ATP1A4: variants seen among roughly 807,000 people sequenced by gnomAD.
ATP1A4 encodes ATPase Na+/K+ transporting subunit alpha 4.
A neutral mutation model predicts 114.3 loss-of-function variants in ATP1A4; 90 were observed. That is an observed-to-expected ratio of 0.79 (90% CI 0.66 to 0.94). ATP1A4 has a LOEUF of 0.94. Ranked by LOEUF, ATP1A4 falls within the 40% of genes least tolerant of loss-of-function variation. The pLI, the probability that ATP1A4 is intolerant of heterozygous loss-of-function variation, is 0.00. For missense variants in ATP1A4, 1,222 were observed against 1,313.6 expected (o/e 0.93, Z 1.08); for synonymous variants, 511 against 494.1 (o/e 1.03, Z -0.45).
chr1:160,181,006 ACG>A (rs1432365147), intron 18 of ATP1A4, among the ~76,000 whole-genome samples: 1 of 151,642 alleles, frequency 6.6e-6, no homozygotes, highest in Non-Finnish European at 1.5e-5. Flanking sequence ...GAGCCACCAC[ACG>A]CCCAGCCTGC....
chr1:160,169,110 G>T (rs970018553), intron 10 of ATP1A4, among the ~76,000 whole-genome samples: 1 of 152,214 alleles, frequency 6.6e-6, no homozygotes, highest in Non-Finnish European at 1.5e-5. Flanking sequence ...AGTGTGACAG[G>T]CTGTCCCACT....
Position 160,151,777 on chromosome 1 carries a change from C to T in ATP1A4, c.-264C>T, listed in dbSNP as rs953108648. 5 of 398,102 alleles carry T rather than the reference C, an allele frequency of 1.3e-5. No individual in the cohort carries two copies. The highest frequency in any genetic ancestry group is 2.0e-5 in the African/African-American group (1 of 50,068). 24.7% of individuals were successfully genotyped at this position (398,102 alleles called of 1,614,324 possible). A position where few individuals can be genotyped will look rare whatever the true frequency, so the allele number is the denominator to read the frequency against. On this transcript the variant is annotated 5_prime_UTR_variant, in exon 1 of 22. Coordinates refer to ENST00000368081, the MANE Select transcript of ATP1A4 (RefSeq NM_144699.4). ...CCTTCCACCCTAGGCTTCTCTCCTC[C>T]CTCTTCCCTCACTCCTGACTCTTCC... is the stretch of plus-strand genomic sequence containing the variant.
chr1:160,179,058 A>C (rs765211609), intron 18 of ATP1A4, among the ~76,000 whole-genome samples: 1 of 152,200 alleles, frequency 6.6e-6, no homozygotes, highest in Non-Finnish European at 1.5e-5. Flanking sequence ...GCTGGACTTG[A>C]ATTCTGGACT....
rs1653045201 is a variant in ATP1A4, at chr1:160,166,597, G to T, written c.1117G>T (p.Glu373Ter). The change falls in exon 8 of 22, where the codon GAG (glutamate) becomes TAG (stop). Residue 373 changes from glutamate to a stop codon, truncating the protein, a stop_gained. Transcript: ENST00000368081. LOFTEE classifies it high-confidence loss of function. ...NCLVKNLEAV[E>*]TLGSTSTICS... The stretch of plus-strand genomic sequence containing the variant: ...CCTGGTGAAGAACCTGGAGGCGGTG[G>T]AGACGCTGGGCTCCACGTCCACCAT... 1 of 1,614,228 alleles carries T rather than the reference G, an allele frequency of 6.2e-7. No individual in the cohort carries two copies. The highest frequency in any genetic ancestry group is 8.5e-7 in the Non-Finnish European group (1 of 1,180,046).
At chr1:160,172,898 ATGTGCTAGGCAT>A (rs766981069) in intron 12 of ATP1A4, among the ~76,000 whole-genome samples, 2 of 152,168 alleles carry the variant, frequency 1.3e-5, no homozygotes, top group African/African-American at 2.4e-5. Flanking sequence ...ATGGCTTACT[ATGTGCTAGGCAT>A]TGTGCTAGGG....
intron 18 of ATP1A4, among the ~76,000 whole-genome samples, chr1:160,179,612 C>T (rs1018374776): frequency 1.8e-4 from 28 of 152,202 alleles, no homozygotes; most frequent in African/African-American, 6.8e-4. Flanking sequence ...AAGCAAGGAT[C>T]GCTCCTTACT....
chr1:160,166,938 G>A (rs764528907), intron 8 of ATP1A4, 30 bp from the exon 9 acceptor site: 3 of 1,604,668 alleles, frequency 1.9e-6, no homozygotes, highest in Middle Eastern at 1.7e-4. Context: ...CTCATTCCCT[G>A]CTCACAATTC....
At chr1:160,172,514 T>G (rs1283718201) in intron 12 of ATP1A4, among the ~76,000 whole-genome samples, 1 of 150,928 alleles carries the variant, frequency 6.6e-6, no homozygotes, top group Non-Finnish European at 1.5e-5. Flanking sequence ...TTGGTCAGGG[T>G]GGGCCTTGAA....
At position 160,186,859 on chromosome 1, in the gene ATP1A4, A is replaced by C. The variant is rs1653911902; in HGVS notation, c.*160A>C. The C allele has an allele frequency of 3.5e-6, 3 of 845,680 alleles. No individual in the cohort carries two copies. The South Asian group carries it at 4.8e-5, about 13-fold the overall frequency. The allele number at this position is 845,680 out of a possible 1,614,324, so 52.4% of individuals were successfully genotyped here. On this transcript the variant is annotated 3_prime_UTR_variant, in exon 22 of 22. Transcript: ENST00000368081. ...GCTGGCTTGAGGGAATCATGGGCAG[A>C]GGATGAGGTGGGCTGAAGGGAAGCC...
intron 20 of ATP1A4, among the ~76,000 whole-genome samples, chr1:160,183,956 T>TTA (rs1369592124): frequency 8.7e-5 from 13 of 149,724 alleles, no homozygotes; most frequent in Admixed American, 8.7e-4. Context: ...GATAATGCTT[T>TTA]TTTTTTTTTT....
Position 160,171,361 on chromosome 1 carries a change from G to T in ATP1A4, c.1602G>T (p.Glu534Asp). ...CTACCTTTCTTCTGAATGGGCAGGA[G>T]TACTCAATGAACGATGAAATGAAGG... ...FCSTFLLNGQ[E>D]YSMNDEMKEA... is the part of the protein sequence containing the mutation. Residue 534 changes from glutamate to aspartate, a missense_variant, in exon 11 of 22, where the codon GAG becomes GAT. Coordinates refer to ENST00000368081, the MANE Select transcript of ATP1A4 (RefSeq NM_144699.4). 6.2e-7 allele frequency: 1 copy of T among 1,614,148 alleles called. No individual in the cohort carries two copies. Among genetic ancestry groups the T allele is most frequent in the Non-Finnish European group, 8.5e-7 (1 of 1,180,020 alleles).
In ATP1A4 at chr1:160,159,514, A is replaced by T; in HGVS notation, c.766A>T (p.Asn256Tyr). Residue 256 changes from asparagine (N) to tyrosine (Y), a missense_variant, in exon 6 of 22, where the codon AAC (asparagine) becomes TAC (tyrosine). Asn to Tyr is a moderately radical substitution (Grantham distance 143, BLOSUM62 -2). Transcript: ENST00000368081. Reference sequence around the variant, plus strand: ...CCGAAACATCTGCTTCTTTTCCACCAACTGTGTGGAAGGTGAATATCGAAC... The same window carrying T: ...CCGAAACATCTGCTTCTTTTCCACCTACTGTGTGGAAGGTGAATATCGAAC... Reference protein sequence around the residue: ...ETRNICFFSTNCVEGTARGIV... With the variant: ...ETRNICFFSTYCVEGTARGIV... 1 of 1,612,202 alleles carries T rather than the reference A, an allele frequency of 6.2e-7. No homozygotes were observed. Among genetic ancestry groups the T allele is most frequent in the Non-Finnish European group, 8.5e-7 (1 of 1,178,668 alleles).
chr1:160,181,546 A>C, intron 18 of ATP1A4, 138 bp from the exon 19 acceptor site: 5 of 955,308 alleles, frequency 5.2e-6, no homozygotes, highest in Non-Finnish European at 7.5e-6. Flanking sequence ...CAAGAGCGAG[A>C]CTTAGTCTCA....
At chr1:160,157,268 C>T (rs113687582) in intron 4 of ATP1A4, among the ~76,000 whole-genome samples, 9 of 152,054 alleles carry the variant, frequency 5.9e-5, no homozygotes, top group East Asian at 5.8e-4. Context: ...ATTTGGTGTA[C>T]GAATTATTTC....
chr1:160,176,051 T>A (rs756303207), intron 15 of ATP1A4, 41 bp from the exon 16 acceptor site: 2 of 1,611,824 alleles, frequency 1.2e-6, no homozygotes, highest in Non-Finnish European at 1.7e-6. Flanking sequence ...GGAGGCGTGT[T>A]CTCCCAGGGC....
At chr1:160,166,400 G>T in intron 7 of ATP1A4, 128 bp from the exon 8 acceptor site, 1 of 1,210,606 alleles carries the variant, frequency 8.3e-7, no homozygotes, top group Non-Finnish European at 1.1e-6. Context: ...GTAAAGAGTA[G>T]GTGGGAACAA....
intron 6 of ATP1A4, among the ~76,000 whole-genome samples, chr1:160,163,883 A>AT (rs1173732079): frequency 6.6e-6 from 1 of 152,102 alleles, no homozygotes. Flanking sequence ...GAGTCACCTC[A>AT]TTAGAACAAA....
Position 160,186,353 on chromosome 1 carries a change from G to A in ATP1A4, c.3047G>A (p.Arg1016His), listed in dbSNP as rs1190535318. 3.7e-6 allele frequency: 6 copies of A among 1,612,972 alleles called. No individual in the cohort carries two copies. The highest frequency in any genetic ancestry group is 1.1e-5 in the South Asian group (1 of 91,034). The part of the protein sequence containing the change: ...VYDEIRKLLI[R>H]QHPDGWVERE... ...GATGAAATCAGAAAACTCCTCATCC[G>A]TCAGCACCCGGATGGTGAGGCTCCC... Residue 1016 changes from arginine (R) to histidine (H), a missense_variant, in exon 21 of 22, where the codon CGT becomes CAT. By Grantham distance (29) the Arg-to-His change is conservative (BLOSUM62 0). Transcript: ENST00000368081.
At chr1:160,186,235 C>T (rs1348366956) in intron 20 of ATP1A4, 41 bp from the exon 21 acceptor site, 1 of 1,387,410 alleles carries the variant, frequency 7.2e-7, no homozygotes, top group Non-Finnish European at 1.0e-6. Flanking sequence ...CCTCTGGCAT[C>T]TCTCTCTCCT....
Sources: gnomAD v4.1 joint callset for allele counts (sites outside exome capture counted in the v4.1 genomes callset) on GRCh38, gnomAD v4.1.1 for gene constraint, MANE v1.5 for transcripts, NCBI Gene and HGNC (gene_info 2026-07-23, HGNC 2026-07-21) for gene names.